The following ZNF521 variants were observed in gnomAD, a reference collection of about 807,000 sequenced individuals.
ZNF521 encodes LYST-interacting protein 3.
In ZNF521, 14 loss-of-function variants were observed where a neutral mutation model predicts 105.5. The observed-to-expected ratio is 0.13, with a 90% CI of 0.09 to 0.21. The LOEUF (loss-of-function observed/expected upper bound fraction) is 0.21. ZNF521 is among the 10% of genes least tolerant of loss of function. The pLI, the probability that ZNF521 is intolerant of heterozygous loss-of-function variation, is 1.00. For synonymous variants in ZNF521, 635 were observed against 606.0 expected (o/e 1.05, Z -0.70); for missense variants, 1,233 against 1,629.7 (o/e 0.76, Z 4.19).
chr18:25,258,914 T>A (rs1362695005), intron 3 of ZNF521, among the ~76,000 whole-genome samples: 2 of 152,180 alleles, frequency 1.3e-5, no homozygotes, highest in East Asian at 3.8e-4. Context: ...ATAGCTATCA[T>A]CTATTGAGTA....
At chr18:25,139,080 G>A (rs936365320) in intron 5 of ZNF521, among the ~76,000 whole-genome samples, 1 of 152,030 alleles carries the variant, frequency 6.6e-6, no homozygotes, top group Non-Finnish European at 1.5e-5. Context: ...AGTTAGTAAT[G>A]CAAAAAGACG....
intron 5 of ZNF521, among the ~76,000 whole-genome samples, chr18:25,151,701 A>G (rs1188096526): frequency 6.6e-6 from 1 of 152,206 alleles, no homozygotes; most frequent in African/African-American, 2.4e-5. Flanking sequence ...GGCAGGCATC[A>G]TGCAGAAGTT....
At chr18:25,351,036 T>G in intron 1 of ZNF521, 89 bp from the exon 2 acceptor site, 1 of 1,122,552 alleles carries the variant, frequency 8.9e-7, no homozygotes, top group Non-Finnish European at 1.2e-6. Flanking sequence ...CCGCGGCGCC[T>G]CGCGCCCTCC....
At chr18:25,082,568 G>C (rs1017529514) in intron 7 of ZNF521, 1 of 447,412 alleles carries the variant, frequency 2.2e-6, no homozygotes, top group Admixed American at 2.4e-5. Context: ...TGGTGTGATG[G>C]CTCACGCCTG....
intron 5 of ZNF521, among the ~76,000 whole-genome samples, chr18:25,108,964 T>C (rs2034129224): frequency 6.6e-6 from 1 of 152,172 alleles, no homozygotes; most frequent in African/African-American, 2.4e-5. Flanking sequence ...AATTTAATTT[T>C]TAAATTTTAG....
At chr18:25,250,411 T>G (rs1908032426) in intron 3 of ZNF521, among the ~76,000 whole-genome samples, 1 of 152,228 alleles carries the variant, frequency 6.6e-6, no homozygotes, top group Non-Finnish European at 1.5e-5. Context: ...GTGGAATAGA[T>G]CTGAAGTAAG....
intron 4 of ZNF521, 97 bp downstream of exon 4, chr18:25,224,248 G>A (rs778390369): frequency 1.5e-5 from 17 of 1,134,092 alleles, no homozygotes; most frequent in Admixed American, 4.9e-5. Context: ...GCATCTTTTG[G>A]CCCATGACAA....
chr18:25,190,704 C>T (rs1156383272), intron 5 of ZNF521, among the ~76,000 whole-genome samples: 1 of 152,144 alleles, frequency 6.6e-6, no homozygotes, highest in Non-Finnish European at 1.5e-5. Flanking sequence ...GGGCACCAAA[C>T]AAATTGCAGG....
intron 5 of ZNF521, among the ~76,000 whole-genome samples, chr18:25,139,123 C>A (rs1208440133): frequency 6.6e-6 from 1 of 152,070 alleles, no homozygotes; most frequent in Non-Finnish European, 1.5e-5. Flanking sequence ...GTAATCCCAG[C>A]ACTTTGGGAG....
At chr18:25,332,066 G>GT (rs982888054) in intron 2 of ZNF521, among the ~76,000 whole-genome samples, 5 of 122,466 alleles carry the variant, frequency 4.1e-5, no homozygotes, top group Admixed American at 8.0e-5. Context: ...AAAATGTTGG[G>GT]TTTTTTCTTT....
Position 25,225,165 on chromosome 18 carries a change from A to G in ZNF521, c.2753T>C (p.Ile918Thr). ...DHNIRPGESA[I>T]VKKKAELIKG... ...AATGAGCTCAGCTTTCTTTTTCACG[A>G]TGGCACTTTCTCCAGGTCTGATGTT... is the stretch of plus-strand genomic sequence containing the variant. The change falls in exon 4 of 8, where the codon ATC (isoleucine) becomes ACC (threonine). Residue 918 changes from isoleucine to threonine, a missense_variant. Transcript: ENST00000361524. This position sits in a 1 kb window ranked among gnomAD's most constrained non-coding sequence, Gnocchi z 5.6. The G allele has an allele frequency of 6.2e-7, 1 of 1,613,996 alleles. No individual in the cohort carries two copies. Among genetic ancestry groups the G allele is most frequent in the Non-Finnish European group, 8.5e-7 (1 of 1,179,996 alleles).
intron 7 of ZNF521, among the ~76,000 whole-genome samples, chr18:25,078,017 T>A (rs1397122580): frequency 6.6e-6 from 1 of 152,174 alleles, no homozygotes. Context: ...CTTTTAGTAC[T>A]CCGGGCTCCT....
intron 2 of ZNF521, among the ~76,000 whole-genome samples, chr18:25,322,551 AAACCC>A (rs1912994660): frequency 6.7e-6 from 1 of 150,048 alleles, no homozygotes; most frequent in Admixed American, 6.6e-5. Context: ...AAAAAAAAAA[AAACCC>A]CCCCACTGTG....
chr18:25,347,963 G>A (rs557067636), intron 2 of ZNF521, among the ~76,000 whole-genome samples: 3 of 152,178 alleles, frequency 2.0e-5, no homozygotes, highest in Admixed American at 6.5e-5. Flanking sequence ...TTATTTAGAA[G>A]GGCCTATTGC....
chr18:25,167,438 T>C (rs1422469339), intron 5 of ZNF521, among the ~76,000 whole-genome samples: 1 of 152,116 alleles, frequency 6.6e-6, no homozygotes, highest in Non-Finnish European at 1.5e-5. Flanking sequence ...ATAAGATAAA[T>C]CCAGTAAAAT....
At chr18:25,220,157 G>A (rs1221561966) in intron 4 of ZNF521, among the ~76,000 whole-genome samples, 2 of 152,220 alleles carry the variant, frequency 1.3e-5, no homozygotes, top group East Asian at 3.8e-4. Flanking sequence ...GTTCACAGAG[G>A]CAACCAGGAA....
At chr18:25,144,970 TGTGA>T in intron 5 of ZNF521, among the ~76,000 whole-genome samples, 1 of 152,328 alleles carries the variant, frequency 6.6e-6, no homozygotes, top group East Asian at 1.9e-4. Context: ...CTCCCCTTTG[TGTGA>T]CTCACATATG....
chr18:25,143,653 T>A (rs2144450437), intron 5 of ZNF521, among the ~76,000 whole-genome samples: 1 of 152,240 alleles, frequency 6.6e-6, no homozygotes, highest in Non-Finnish European at 1.5e-5. Context: ...AAATACAAAT[T>A]TCTATTATTT....
intron 3 of ZNF521, among the ~76,000 whole-genome samples, chr18:25,294,445 T>C (rs1911207602): frequency 6.6e-6 from 1 of 152,338 alleles, no homozygotes; most frequent in South Asian, 2.1e-4. Flanking sequence ...CGTTTTTAAA[T>C]TACTAGACAC....
Sources: gnomAD v4.1 joint callset for allele counts (sites outside exome capture counted in the v4.1 genomes callset) on GRCh38, gnomAD v4.1.1 for gene constraint, Gnocchi (gnomAD v3.1) non-coding constraint, MANE v1.5 for transcripts, NCBI Gene and HGNC (gene_info 2026-07-23, HGNC 2026-07-21) for gene names.